The following ERC2 variants were observed in gnomAD, a reference collection of about 807,000 sequenced individuals.
ERC2 encodes the protein ERC protein 2.
A neutral mutation model predicts 114.8 loss-of-function variants in ERC2; 42 were observed. The observed-to-expected ratio is 0.37, with a 90% CI of 0.29 to 0.47. The LOEUF (loss-of-function observed/expected upper bound fraction) is 0.47. Ranked by LOEUF, ERC2 falls within the 20% of genes least tolerant of loss-of-function variation. ERC2 has a pLI of 0.99. For synonymous variants in ERC2, 454 were observed against 425.5 expected, an observed-to-expected ratio of 1.07 and a Z score of -0.82; for missense variants, 939 against 1,150.7, an observed-to-expected ratio of 0.82 and a Z score of 2.66.
chr3:55,835,764 A>C (rs550616718), intron 14 of ERC2, among the ~76,000 whole-genome samples: 47 of 152,280 alleles, frequency 3.1e-4, no homozygotes, highest in Non-Finnish European at 4.3e-4. Flanking sequence ...GCGATTAGGC[A>C]GGAGAAGGAA....
At chr3:55,667,432 A>C (rs1218155310) in intron 17 of ERC2, among the ~76,000 whole-genome samples, 2 of 152,188 alleles carry the variant, frequency 1.3e-5, no homozygotes, top group South Asian at 4.1e-4. Context: ...TGATCGCCTA[A>C]ATTATTTATA....
chr3:55,888,628 C>A, intron 13 of ERC2, 79 bp from the exon 14 acceptor site: 1 of 1,537,460 alleles, frequency 6.5e-7, no homozygotes. Flanking sequence ...TGTGTTCCAA[C>A]AACAAACACA....
chr3:55,888,333 C>T (rs761214442), intron 14 of ERC2, 56 bp downstream of exon 14: 13 of 1,589,860 alleles, frequency 8.2e-6, no homozygotes, highest in Non-Finnish European at 1.1e-5. Flanking sequence ...TTCCCCTTTC[C>T]CACTCTCAAG....
intron 2 of ERC2, among the ~76,000 whole-genome samples, chr3:56,425,199 C>A (rs1452008112): frequency 1.3e-5 from 2 of 152,118 alleles, no homozygotes; most frequent in African/African-American, 2.4e-5. Context: ...ACTGCCCCAA[C>A]CATCTCCCCA....
chr3:56,102,938 T>C (rs1384528405), intron 6 of ERC2, among the ~76,000 whole-genome samples: 1 of 152,208 alleles, frequency 6.6e-6, no homozygotes, highest in Non-Finnish European at 1.5e-5. Context: ...CCACGCTCTG[T>C]TGCTGAACTC....
At chr3:56,343,188 T>TCACACACACACACACACACA (rs1247948473) in intron 2 of ERC2, among the ~76,000 whole-genome samples, 6 of 31,410 alleles carry the variant, frequency 1.9e-4, no homozygotes, top group African/African-American at 5.0e-4. Context: ...TCTCTCTCTC[T>TCACACACACACACACACACA]CTCTCACACA....
intron 14 of ERC2, among the ~76,000 whole-genome samples, chr3:55,842,040 A>G (rs972646185): frequency 6.6e-6 from 1 of 152,260 alleles, no homozygotes; most frequent in African/African-American, 2.4e-5. Flanking sequence ...TGTAACCAAC[A>G]ACTGTTGCGT....
chr3:56,002,077 C>T lies in ERC2; in HGVS notation c.2061+5104G>A, dbSNP rs139045183. ...TTTGAAAAAGAGGTTAACAAAGATG[C>T]TCCAGCAGGGTTTTAGGAATTCTGT... On this transcript the variant is annotated intron_variant, in intron 10 of 17. Transcript: ENST00000288221. 4.9e-3 allele frequency among the ~76,000 whole-genome samples: 745 copies of T among 152,200 alleles called. 8 individuals carry two copies. Among genetic ancestry groups the T allele is most frequent in the African/African-American group, 0.017 (709 of 41,526 alleles).
chr3:56,058,368 C>T (rs2076101561), intron 7 of ERC2, among the ~76,000 whole-genome samples: 1 of 152,146 alleles, frequency 6.6e-6, no homozygotes, highest in East Asian at 1.9e-4. Flanking sequence ...GATTGCTCAC[C>T]ACACCACACT....
At chr3:56,413,075 T>G (rs2061004591) in intron 2 of ERC2, among the ~76,000 whole-genome samples, 1 of 152,214 alleles carries the variant, frequency 6.6e-6, no homozygotes, top group Admixed American at 6.5e-5. Context: ...CTAATATGAC[T>G]AGCCAGAGAC....
At chr3:55,787,185 G>GT (rs2069580906) in intron 14 of ERC2, among the ~76,000 whole-genome samples, 1 of 152,180 alleles carries the variant, frequency 6.6e-6, no homozygotes, top group Non-Finnish European at 1.5e-5. Flanking sequence ...GGGAGCCAAG[G>GT]TGGGTGGATG....
intron 2 of ERC2, among the ~76,000 whole-genome samples, chr3:56,395,888 A>G (rs2060288923): frequency 1.3e-5 from 2 of 152,226 alleles, no homozygotes; most frequent in African/African-American, 4.8e-5. Flanking sequence ...GTCCAGGAAA[A>G]CACTTCCACC....
intron 13 of ERC2, among the ~76,000 whole-genome samples, chr3:55,933,208 CA>C (rs36050362): frequency 1.5e-3 from 212 of 138,218 alleles, no homozygotes; most frequent in Middle Eastern, 7.7e-3. Flanking sequence ...GACTTTGTCT[CA>C]AAAAAAAAAA....
At chr3:55,866,889 C>T (rs565219997) in intron 14 of ERC2, among the ~76,000 whole-genome samples, 9 of 151,972 alleles carry the variant, frequency 5.9e-5, no homozygotes, top group African/African-American at 1.9e-4. Context: ...TGGTAAAATT[C>T]CCCCAAAATT....
rs533685951 is a variant in ERC2 at position 55,796,141 on chromosome 3, G to T, written c.2565-61223C>A. Among the ~76,000 whole-genome samples, 4 of 152,288 alleles carry T rather than the reference G, an allele frequency of 2.6e-5. No homozygotes were observed. In the South Asian group the frequency reaches 8.3e-4, roughly 32 times the overall value. On this transcript the variant is annotated intron_variant, in intron 14 of 17. Coordinates refer to ENST00000288221, the MANE Select transcript of ERC2 (RefSeq NM_015576.3). ...AGGCAAGAAGCATTTAAATTATACC[G>T]GCAAGGCTATAGCAGAGGAAGCCAG...
At chr3:56,150,234 C>T (rs527972556) in intron 4 of ERC2, among the ~76,000 whole-genome samples, 97 of 152,236 alleles carry the variant, frequency 6.4e-4, no homozygotes, top group African/African-American at 2.3e-3. Context: ...AATGAATAGG[C>T]TATTCTATTT....
intron 16 of ERC2, among the ~76,000 whole-genome samples, chr3:55,694,310 T>A (rs1012978854): frequency 1.3e-5 from 2 of 152,188 alleles, no homozygotes; most frequent in African/African-American, 2.4e-5. Flanking sequence ...CCCTTCCTAC[T>A]TCCCGAAGCT....
At chr3:56,039,928 A>C (rs2075029079) in intron 7 of ERC2, among the ~76,000 whole-genome samples, 1 of 152,158 alleles carries the variant, frequency 6.6e-6, no homozygotes, top group African/African-American at 2.4e-5. Flanking sequence ...TGTTGGAAAA[A>C]CTGGATATCC....
chr3:56,302,271 G>A (rs745840992), intron 2 of ERC2, among the ~76,000 whole-genome samples: 2 of 152,100 alleles, frequency 1.3e-5, no homozygotes, highest in African/African-American at 4.8e-5. Flanking sequence ...TGTACACTTT[G>A]ACTAGGAACT....
Sources: gnomAD v4.1 joint callset for allele counts (sites outside exome capture counted in the v4.1 genomes callset) on GRCh38, gnomAD v4.1.1 for gene constraint, MANE v1.5 for transcripts, NCBI Gene and HGNC (gene_info 2026-07-23, HGNC 2026-07-21) for gene names.